Variants in SAP130 observed in about 807,000 individuals in gnomAD.
SAP130 encodes histone deacetylase complex subunit SAP130.
A neutral mutation model predicts 103.2 loss-of-function variants in SAP130; 16 were observed. The ratio of observed to expected loss-of-function variants is 0.16; its 90% confidence interval spans 0.10 to 0.24. The LOEUF (loss-of-function observed/expected upper bound fraction) is 0.24. Among genes scored for constraint, SAP130 ranks in the 10% least tolerant of loss-of-function variants. The pLI, the probability that SAP130 is intolerant of heterozygous loss-of-function variation, is 1.00. For synonymous variants in SAP130, 477 were observed against 497.0 expected, an observed-to-expected ratio of 0.96 and a Z score of 0.53; for missense variants, 990 against 1,359.7, an observed-to-expected ratio of 0.73 and a Z score of 4.28.
At chr2:127,962,792 T>C (rs555256433) in intron 15 of SAP130, among the ~76,000 whole-genome samples, 1 of 151,712 alleles carries the variant, frequency 6.6e-6, no homozygotes, top group Non-Finnish European at 1.5e-5. Context: ...GACAAGTTAA[T>C]GGGTGCAGCA....
At chr2:128,011,478 C>T (rs1164234432) in intron 6 of SAP130, among the ~76,000 whole-genome samples, 1 of 152,162 alleles carries the variant, frequency 6.6e-6, no homozygotes, top group Non-Finnish European at 1.5e-5. Flanking sequence ...ATCTACAGCC[C>T]TTTTACCTGC....
In SAP130 at chr2:127,989,485, G is replaced by T; in HGVS notation, c.1780+79C>A. The T allele has an allele frequency of 2.4e-6, 3 of 1,274,616 alleles. No homozygotes were observed. The highest frequency in any genetic ancestry group is 3.3e-6 in the Non-Finnish European group (3 of 917,092). The allele number at this position is 1,274,616 out of a possible 1,614,324, so 79.0% of individuals were successfully genotyped here. On this transcript the variant is annotated intron_variant, in intron 13 of 20. Coordinates refer to ENST00000643581, the MANE Select transcript of SAP130 (RefSeq NM_001330301.2). The surrounding 1 kb of genome is among the most constrained non-coding windows in gnomAD (Gnocchi z 4.6). ...CCTAGAGAAATTATAAGACGACAAA[G>T]CCAGTGGCAGAGAAAGGATTTAAAC...
At chr2:127,945,664 T>A (rs1679027795) in intron 18 of SAP130, 105 bp from the exon 19 acceptor site, 3 of 714,166 alleles carry the variant, frequency 4.2e-6, no homozygotes, top group African/African-American at 3.6e-5. Flanking sequence ...AATTTTATTT[T>A]TTTTTTGAGA....
chr2:128,024,745 T>C (rs1352739388), intron 2 of SAP130, among the ~76,000 whole-genome samples: 4 of 149,516 alleles, frequency 2.7e-5, no homozygotes, highest in African/African-American at 9.9e-5. Flanking sequence ...CCAGGCATGG[T>C]AGCGCATGCC....
At chr2:128,022,097 C>T (rs954752353) in intron 2 of SAP130, among the ~76,000 whole-genome samples, 3 of 152,198 alleles carry the variant, frequency 2.0e-5, no homozygotes, top group Admixed American at 6.6e-5. Context: ...ATTCACACCC[C>T]TTTGCAGTCA....
intron 3 of SAP130, 139 bp from the exon 4 acceptor site, chr2:128,016,686 C>A: frequency 1.1e-6 from 1 of 888,270 alleles, no homozygotes; most frequent in Non-Finnish European, 1.7e-6. Flanking sequence ...TATCTATTAT[C>A]ATCACAGTGT....
At chr2:127,967,265 A>G (rs1680721881) in intron 15 of SAP130, among the ~76,000 whole-genome samples, 1 of 152,250 alleles carries the variant, frequency 6.6e-6, no homozygotes, top group Non-Finnish European at 1.5e-5. Context: ...TTAAGTGTTC[A>G]TACCACAATA....
intron 7 of SAP130, among the ~76,000 whole-genome samples, chr2:128,010,008 A>G (rs1042999514): frequency 6.6e-6 from 1 of 151,922 alleles, no homozygotes; most frequent in African/African-American, 2.4e-5. Flanking sequence ...AATCCCTTTT[A>G]CCCTTATTTT....
intron 7 of SAP130, among the ~76,000 whole-genome samples, chr2:128,000,993 T>C (rs960051354): frequency 6.6e-6 from 1 of 152,198 alleles, no homozygotes; most frequent in African/African-American, 2.4e-5. Flanking sequence ...TTGACAAATT[T>C]CCTGAAGAAA....
intron 19 of SAP130, among the ~76,000 whole-genome samples, chr2:127,943,235 C>T (rs1678833498): frequency 6.6e-6 from 1 of 152,160 alleles, no homozygotes; most frequent in Non-Finnish European, 1.5e-5. Flanking sequence ...TTCTTCAGGT[C>T]ACTGCTACTG....
rs185482161 is a variant in SAP130, at chr2:127,969,248, T to C, written c.2063+8737A>G. 2.2e-3 allele frequency among the ~76,000 whole-genome samples: 335 copies of C among 152,294 alleles called. 3 individuals are homozygous for C. The highest frequency in any genetic ancestry group is 2.7e-3 in the Non-Finnish European group (184 of 68,012). ...AGAAGGATAAAATGTAGTTGAATAA[T>C]TAGCAAGTACTGGGTATTTTAATTT... On this transcript the variant is annotated intron_variant, in intron 15 of 20. Coordinates refer to ENST00000643581, the MANE Select transcript of SAP130 (RefSeq NM_001330301.2).
chr2:127,982,979 G>A (rs929525866), intron 14 of SAP130, among the ~76,000 whole-genome samples: 9 of 152,202 alleles, frequency 5.9e-5, no homozygotes, highest in African/African-American at 2.2e-4. Context: ...GGCTCACTGA[G>A]CTTATGTGCT....
At chr2:128,027,249 C>A in intron 1 of SAP130, 1 of 1,186,636 alleles carries the variant, frequency 8.4e-7, no homozygotes, top group Non-Finnish European at 1.0e-6. Context: ...CCCCGCTGGC[C>A]CCACTCACCC....
At chr2:128,002,128 T>C (rs1195861786) in intron 7 of SAP130, among the ~76,000 whole-genome samples, 1 of 152,190 alleles carries the variant, frequency 6.6e-6, no homozygotes, top group Non-Finnish European at 1.5e-5. Context: ...GGTTTCACAA[T>C]GTTGGCCAAG....
At chr2:127,945,588 T>C (rs1679021087) in intron 18 of SAP130, 29 bp from the exon 19 acceptor site, 1 of 1,278,216 alleles carries the variant, frequency 7.8e-7, no homozygotes, top group Non-Finnish European at 1.1e-6. Flanking sequence ...AAAATACATG[T>C]ATTTCAGTGT....
intron 19 of SAP130, 34 bp downstream of exon 19, chr2:127,945,422 C>T (rs1364639161): frequency 1.5e-6 from 2 of 1,294,048 alleles, no homozygotes; most frequent in African/African-American, 1.5e-5. Context: ...CTCCTCTCTT[C>T]AGCATGATGA....
rs540756568 is a variant in SAP130, at chr2:127,942,717, G to A, written c.2902-180C>T. On this transcript the variant is annotated intron_variant, in intron 19 of 20. Transcript: ENST00000643581. The surrounding 1 kb of genome is among the most constrained non-coding windows in gnomAD (Gnocchi z 4.8). Reference sequence around the variant, plus strand: ...TAAAAACAGTAAAGGGGCTGGGCGCGGTGGCTCACGCCTATAATCCCAGCA... The same window carrying A: ...TAAAAACAGTAAAGGGGCTGGGCGCAGTGGCTCACGCCTATAATCCCAGCA... 3.3e-5 allele frequency among the ~76,000 whole-genome samples: 5 copies of A among 152,314 alleles called. No homozygotes were observed. The highest frequency in any genetic ancestry group is 9.6e-5 in the African/African-American group (4 of 41,562).
chr2:127,986,914 T>C lies in SAP130; in HGVS notation c.1829A>G (p.Asn610Ser), dbSNP rs200408275. Reference sequence around the variant, plus strand: ...TGCTGCTGGAGCAGCACTGAATGGATTGCTAATAGGGTTGGCCACAATTGT... The same window carrying C: ...TGCTGCTGGAGCAGCACTGAATGGACTGCTAATAGGGTTGGCCACAATTGT... ...GATIVANPIS[N>S]PFSAAPAATT... The change falls in exon 14 of 21, where the codon AAT becomes AGT. Residue 610 changes from asparagine to serine, a missense_variant. Asn to Ser is a conservative substitution (Grantham distance 46, BLOSUM62 1). Around this residue, in one of 6 missense-constraint regions of SAP130, gnomAD observed 349 missense variants for 384.1 expected, o/e 0.91. Transcript: ENST00000643581. The surrounding 1 kb of genome is among the most constrained non-coding windows in gnomAD (Gnocchi z 4.7). 1.7e-5 allele frequency: 27 copies of C among 1,613,994 alleles called. No individual in the cohort carries two copies. The highest frequency in any genetic ancestry group is 2.2e-5 in the East Asian group (1 of 44,888).
intron 15 of SAP130, among the ~76,000 whole-genome samples, chr2:127,962,639 A>G (rs1331077917): frequency 6.6e-6 from 1 of 151,382 alleles, no homozygotes; most frequent in Non-Finnish European, 1.5e-5. Flanking sequence ...CAAAAAACCA[A>G]ATACCGCATG....
Sources: allele counts gnomAD v4.1 joint callset (sites outside exome capture counted in the v4.1 genomes callset), GRCh38; gene constraint gnomAD v4.1.1; regional missense constraint gnomAD v4.1.1; non-coding constraint Gnocchi (gnomAD v3.1); transcripts MANE v1.5; gene names NCBI Gene and HGNC (gene_info 2026-07-23, HGNC 2026-07-21).